The following MINDY3 variants were observed in gnomAD, a reference collection of about 807,000 sequenced individuals.
MINDY3 encodes the protein MINDY lysine 48 deubiquitinase 3.
Under a neutral mutation model 69.2 loss-of-function variants are expected in MINDY3, and 38 were observed. The ratio of observed to expected loss-of-function variants is 0.55; its 90% CI spans 0.42 to 0.72. The LOEUF (loss-of-function observed/expected upper bound fraction) is 0.72. MINDY3 is among the 30% of genes least tolerant of loss of function. The probability of loss-of-function intolerance (pLI) is 0.00; values close to 1 mark genes in which losing one functional copy is unlikely to be tolerated. For synonymous variants in MINDY3, 192 were observed against 180.1 expected (o/e 1.07, Z -0.53); for missense variants, 522 against 519.0 (o/e 1.01, Z -0.06).
intron 9 of MINDY3, among the ~76,000 whole-genome samples, chr10:15,819,207 G>A (rs1356159155): frequency 1.3e-5 from 2 of 152,044 alleles, no homozygotes; most frequent in African/African-American, 4.8e-5. Context: ...CAAAGCACGG[G>A]GAAATGTTCA....
intron 12 of MINDY3, 153 bp downstream of exon 12, chr10:15,789,094 G>A (rs907260778): frequency 4.1e-6 from 2 of 490,784 alleles, no homozygotes; most frequent in Non-Finnish European, 7.3e-6. Flanking sequence ...TATAATATTG[G>A]ATTAGTTCGA....
In MINDY3 at chr10:15,841,572, T is replaced by G. The variant is rs1833469925; in HGVS notation, c.263A>C (p.His88Pro). Residue 88 changes from histidine to proline, a missense_variant, in exon 4 of 15, where the codon CAT (histidine) becomes CCT (proline). His to Pro is a moderately conservative substitution (Grantham distance 77, BLOSUM62 -2). Coordinates refer to ENST00000277632, the MANE Select transcript of MINDY3 (RefSeq NM_024948.4). Reference sequence around the variant, plus strand: ...ACTTTCTAAAATATCACACAAGGTATGACAAAGGAGTTCCTTCTGCTCTTC... The same window carrying G: ...ACTTTCTAAAATATCACACAAGGTAGGACAAAGGAGTTCCTTCTGCTCTTC... ...SEEEQKELLC[H>P]TLCDILESAC... The G allele has an allele frequency of 6.2e-7, 1 of 1,609,192 alleles. No homozygotes were observed. The highest frequency in any genetic ancestry group is 1.3e-5 in the African/African-American group (1 of 74,696).
In MINDY3 at chr10:15,811,354, T is replaced by C. The variant is rs527974952; in HGVS notation, c.882+5481A>G. The stretch of plus-strand genomic sequence containing the variant: ...GACCTTAGTTCATCCTGTATATAAA[T>C]ATACCAAAATATATTTTTTGAAAAA... On this transcript the variant is annotated intron_variant, in intron 10 of 14. Coordinates refer to ENST00000277632, the MANE Select transcript of MINDY3 (RefSeq NM_024948.4). 3.3e-5 allele frequency among the ~76,000 whole-genome samples: 5 copies of C among 152,210 alleles called. No homozygotes were observed. The East Asian group carries it at 9.6e-4, about 29-fold the overall frequency.
Position 15,798,469 on chromosome 10 carries a change from T to G in MINDY3, c.883-2297A>C, listed in dbSNP as rs1005267500. ...CTTGTCTCTAAGTGCCAAGTGTTTT[T>G]TTTTTTTTTTTAAATACTCTGCTAG... On this transcript the variant is annotated intron_variant, in intron 10 of 14. Coordinates refer to ENST00000277632, the MANE Select transcript of MINDY3 (RefSeq NM_024948.4). Among the ~76,000 whole-genome samples the G allele has an allele frequency of 8.1e-4, 123 of 151,642 alleles. 3 individuals are homozygous for G. The highest frequency in any genetic ancestry group is 4.4e-4 in the Non-Finnish European group (30 of 67,908).
intron 4 of MINDY3, among the ~76,000 whole-genome samples, chr10:15,839,816 T>C (rs1017170599): frequency 6.6e-6 from 1 of 151,714 alleles, no homozygotes; most frequent in East Asian, 1.9e-4. Context: ...ATTTAAAATA[T>C]GGTTTACTTC....
chr10:15,826,638 T>A (rs1364001655), intron 8 of MINDY3, among the ~76,000 whole-genome samples: 1 of 152,172 alleles, frequency 6.6e-6, no homozygotes, highest in Non-Finnish European at 1.5e-5. Flanking sequence ...TGTAAAAGTA[T>A]AACATCAGGA....
intron 1 of MINDY3, among the ~76,000 whole-genome samples, chr10:15,849,070 C>T (rs1025436195): frequency 6.6e-6 from 1 of 151,968 alleles, no homozygotes; most frequent in Non-Finnish European, 1.5e-5. Flanking sequence ...CAGATAATTA[C>T]TAAAATAAAG....
intron 9 of MINDY3, 63 bp downstream of exon 9, chr10:15,821,593 C>T (rs375690530): frequency 1.6e-6 from 2 of 1,239,764 alleles, no homozygotes; most frequent in Middle Eastern, 1.9e-4. Flanking sequence ...AGGAACAAAA[C>T]AGTATCCACA....
chr10:15,819,680 G>A (rs191365721), intron 9 of MINDY3, among the ~76,000 whole-genome samples: 1 of 152,278 alleles, frequency 6.6e-6, no homozygotes. Flanking sequence ...ATGTGGCCCT[G>A]CCTGGCTTCC....
At chr10:15,779,251 A>C in intron 14 of MINDY3, 110 bp from the exon 15 acceptor site, 4 of 806,666 alleles carry the variant, frequency 5.0e-6, no homozygotes, top group Non-Finnish European at 7.2e-6. Flanking sequence ...ATAGTTTCAG[A>C]TGAAACTTGA....
chr10:15,810,858 A>G (rs1454861667), intron 10 of MINDY3, among the ~76,000 whole-genome samples: 1 of 152,170 alleles, frequency 6.6e-6, no homozygotes, highest in African/African-American at 2.4e-5. Flanking sequence ...ACAAAAAGAC[A>G]AACAACCCAA....
rs1249604533 is a variant in MINDY3, at chr10:15,843,347, G to A, written c.175-75C>T. On this transcript the variant is annotated intron_variant, in intron 2 of 14. Transcript: ENST00000277632. ...CATATCATTCTTCAATTTTAAAGTG[G>A]GAAAAAATAATGTGTACTCCCTTTC... 3 of 1,228,050 alleles carry A rather than the reference G, an allele frequency of 2.4e-6. No homozygotes were observed. In the Admixed American group the frequency reaches 5.2e-5, roughly 21 times the overall value. The allele number at this position is 1,228,050 out of a possible 1,614,324, so 76.1% of individuals were successfully genotyped here.
chr10:15,822,355 G>T (rs1028719566), intron 8 of MINDY3, among the ~76,000 whole-genome samples: 1 of 152,094 alleles, frequency 6.6e-6, no homozygotes, highest in Non-Finnish European at 1.5e-5. Flanking sequence ...CACACGGAGT[G>T]GTATGAGAGT....
intron 10 of MINDY3, among the ~76,000 whole-genome samples, chr10:15,805,216 T>C (rs1053540595): frequency 5.3e-5 from 8 of 152,198 alleles, no homozygotes; most frequent in African/African-American, 1.9e-4. Flanking sequence ...GGAGGTTCTT[T>C]GATTATTCAT....
intron 13 of MINDY3, among the ~76,000 whole-genome samples, chr10:15,785,597 G>A (rs543814799): frequency 2.0e-4 from 30 of 152,052 alleles, no homozygotes; most frequent in African/African-American, 6.5e-4. Context: ...GTCTAATGTC[G>A]GACAATAAAA....
intron 10 of MINDY3, among the ~76,000 whole-genome samples, chr10:15,804,491 T>G (rs941125211): frequency 1.3e-5 from 2 of 152,152 alleles, no homozygotes; most frequent in Non-Finnish European, 2.9e-5. Flanking sequence ...CATTAAGCCT[T>G]TCATCGTTAT....
chr10:15,788,258 A>T (rs372869145), intron 12 of MINDY3, among the ~76,000 whole-genome samples: 50 of 152,204 alleles, frequency 3.3e-4, no homozygotes, highest in African/African-American at 1.1e-3. Flanking sequence ...AACACTCTGA[A>T]TTTCTCTTTA....
At chr10:15,848,666 AG>A (rs1332972679) in intron 1 of MINDY3, among the ~76,000 whole-genome samples, 1,489 of 136,894 alleles carry the variant, frequency 0.011, 191 homozygotes, top group African/African-American at 0.039. Flanking sequence ...AAAAAAAGAA[AG>A]AAAAATTAAA....
chr10:15,798,505 C>T (rs1049851057), intron 10 of MINDY3, among the ~76,000 whole-genome samples: 9 of 150,096 alleles, frequency 6.0e-5, no homozygotes, highest in African/African-American at 2.0e-4. Flanking sequence ...TGGTTGGGCA[C>T]GGTGTGTCAC....
Sources: allele counts gnomAD v4.1 joint callset (sites outside exome capture counted in the v4.1 genomes callset), GRCh38; gene constraint gnomAD v4.1.1; transcripts MANE v1.5; gene names NCBI Gene and HGNC (gene_info 2026-07-23, HGNC 2026-07-21).